Variants in CNTN5 observed in about 807,000 individuals in gnomAD.
The protein encoded by CNTN5 is contactin-5.
CNTN5 carries 77 observed loss-of-function variants against 129.1 expected under a neutral mutation model. That is an observed-to-expected ratio of 0.60 (90% CI 0.50 to 0.72). The LOEUF (loss-of-function observed/expected upper bound fraction) is 0.72, where lower values mean the gene tolerates loss of function less well. CNTN5 is among the 30% of genes least tolerant of loss of function. The probability of loss-of-function intolerance (pLI) is 0.00; values close to 1 mark genes in which losing one functional copy is unlikely to be tolerated. For missense variants in CNTN5, 1,478 were observed against 1,328.8 expected, an observed-to-expected ratio of 1.11 and a Z score of -1.75; for synonymous variants, 509 against 465.6, an observed-to-expected ratio of 1.09 and a Z score of -1.20.
In CNTN5 at chr11:100,269,979, A is replaced by G. The variant is rs565527884; in HGVS notation, c.2165-1113A>G. On this transcript the variant is annotated intron_variant, in intron 17 of 24. Transcript: ENST00000524871. ...GCATTTCACCAAGCTGTGGTCTGAC[A>G]GTGGCCTTTCCCTCACCCACCTCTT... Among the ~76,000 whole-genome samples the G allele has an allele frequency of 1.3e-4, 20 of 152,318 alleles. 1 individual carries two copies. The South Asian group carries it at 4.1e-3, about 32-fold the overall frequency.
intron 3 of CNTN5, among the ~76,000 whole-genome samples, chr11:99,665,316 A>C (rs1166888700): frequency 6.6e-6 from 1 of 152,072 alleles, no homozygotes; most frequent in Non-Finnish European, 1.5e-5. Context: ...TATTTAAGGA[A>C]AATGTCTGGG....
intron 13 of CNTN5, among the ~76,000 whole-genome samples, chr11:100,120,272 A>C (rs1192095465): frequency 6.6e-6 from 1 of 151,980 alleles, no homozygotes; most frequent in East Asian, 1.9e-4. Flanking sequence ...CATATTGACA[A>C]ATTGCTCTCC....
chr11:99,973,089 G>A (rs1350246501), intron 8 of CNTN5, among the ~76,000 whole-genome samples: 1 of 151,996 alleles, frequency 6.6e-6, no homozygotes. Flanking sequence ...AATCGTGTTG[G>A]AGGGAATCTC....
chr11:100,052,240 T>C (rs1942996124), intron 9 of CNTN5, among the ~76,000 whole-genome samples: 1 of 151,814 alleles, frequency 6.6e-6, no homozygotes, highest in Admixed American at 6.6e-5. Flanking sequence ...CTAGGAAAAA[T>C]ACACCTACAA....
chr11:99,589,944 A>G lies in CNTN5; in HGVS notation c.55+33675A>G, dbSNP rs531147791. ...GTGTCATATTGTATGCAGTGCATCC[A>G]CACACTATCTAAACAATGAAGGAAG... On this transcript the variant is annotated intron_variant, in intron 3 of 24. Coordinates refer to ENST00000524871, the MANE Select transcript of CNTN5 (RefSeq NM_014361.4). Among the ~76,000 whole-genome samples, 3 of 152,318 alleles carry G rather than the reference A, an allele frequency of 2.0e-5. No homozygotes were observed. In the South Asian group the frequency reaches 6.2e-4, roughly 32 times the overall value.
intron 1 of CNTN5, among the ~76,000 whole-genome samples, chr11:99,267,388 T>C (rs1455961971): frequency 1.3e-5 from 2 of 152,040 alleles, no homozygotes; most frequent in Non-Finnish European, 2.9e-5. Context: ...TCAGTTGGTG[T>C]CTTTAATGTA....
At chr11:99,734,980 C>T (rs1042967242) in intron 3 of CNTN5, among the ~76,000 whole-genome samples, 2 of 151,524 alleles carry the variant, frequency 1.3e-5, no homozygotes, top group African/African-American at 4.9e-5. Flanking sequence ...TGCAGTCCGC[C>T]CTGGGGGAAA....
chr11:99,975,521 T>C (rs1163913823), intron 8 of CNTN5, among the ~76,000 whole-genome samples: 1 of 152,154 alleles, frequency 6.6e-6, no homozygotes, highest in African/African-American at 2.4e-5. Context: ...CAGGGTAATT[T>C]ATAAAGAAAA....
intron 1 of CNTN5, among the ~76,000 whole-genome samples, chr11:99,040,392 T>C (rs1863940681): frequency 6.6e-6 from 1 of 152,136 alleles, no homozygotes; most frequent in Non-Finnish European, 1.5e-5. Flanking sequence ...GTATATGTAG[T>C]AAATACATTT....
intron 6 of CNTN5, among the ~76,000 whole-genome samples, chr11:99,871,471 C>T (rs1203869775): frequency 6.6e-6 from 1 of 152,020 alleles, no homozygotes; most frequent in Non-Finnish European, 1.5e-5. Flanking sequence ...CAAGATTAAT[C>T]ATCAGGCTGG....
chr11:99,873,085 T>C (rs1258062750), intron 6 of CNTN5, among the ~76,000 whole-genome samples: 1 of 17,336 alleles, frequency 5.8e-5, no homozygotes, highest in African/African-American at 2.5e-4. Flanking sequence ...CAAACACTTT[T>C]GTAACTGCCA....
At chr11:99,654,695 G>T (rs1175410886) in intron 3 of CNTN5, among the ~76,000 whole-genome samples, 8 of 151,954 alleles carry the variant, frequency 5.3e-5, no homozygotes, top group East Asian at 1.9e-4. Context: ...TGCTTAAAAG[G>T]TCTGAACATT....
intron 3 of CNTN5, among the ~76,000 whole-genome samples, chr11:99,678,072 ATTAT>A (rs1953373948): frequency 6.6e-6 from 1 of 151,966 alleles, no homozygotes; most frequent in African/African-American, 2.4e-5. Flanking sequence ...TTTTATTTCT[ATTAT>A]TTGGGTACAT....
intron 1 of CNTN5, among the ~76,000 whole-genome samples, chr11:99,070,888 A>G (rs911366600): frequency 6.6e-6 from 1 of 152,258 alleles, no homozygotes; most frequent in Non-Finnish European, 1.5e-5. Flanking sequence ...TAGCAGTACT[A>G]ATAGTAATAT....
At chr11:99,497,496 A>G (rs1299278935) in intron 2 of CNTN5, among the ~76,000 whole-genome samples, 1 of 152,178 alleles carries the variant, frequency 6.6e-6, no homozygotes, top group Non-Finnish European at 1.5e-5. Flanking sequence ...CCCAGAAAGA[A>G]AACTTATTTC....
intron 13 of CNTN5, among the ~76,000 whole-genome samples, chr11:100,154,118 C>T (rs971408021): frequency 5.3e-5 from 8 of 152,104 alleles, no homozygotes; most frequent in African/African-American, 1.9e-4. Flanking sequence ...ACCCCAACCC[C>T]GAACAAGCCC....
chr11:99,054,637 T>G (rs1418419596), intron 1 of CNTN5, among the ~76,000 whole-genome samples: 1 of 151,754 alleles, frequency 6.6e-6, no homozygotes, highest in Non-Finnish European at 1.5e-5. Flanking sequence ...CAAGTATTCC[T>G]TAAAAACTTA....
chr11:99,188,118 T>A (rs1258893391), intron 1 of CNTN5, among the ~76,000 whole-genome samples: 1 of 151,908 alleles, frequency 6.6e-6, no homozygotes, highest in African/African-American at 2.4e-5. Flanking sequence ...TAAAAATTAT[T>A]CTTTTTATAG....
At chr11:99,190,615 A>G (rs1481554591) in intron 1 of CNTN5, among the ~76,000 whole-genome samples, 4 of 151,462 alleles carry the variant, frequency 2.6e-5, no homozygotes, top group Non-Finnish European at 5.9e-5. Context: ...GAGGTCTTAA[A>G]TTCATGCCTG....
Sources: gnomAD v4.1 joint callset for allele counts (sites outside exome capture counted in the v4.1 genomes callset) on GRCh38, gnomAD v4.1.1 for gene constraint, MANE v1.5 for transcripts, NCBI Gene and HGNC (gene_info 2026-07-23, HGNC 2026-07-21) for gene names.